The following ADAMTS3 variants were observed in gnomAD, a reference collection of about 807,000 sequenced individuals.
The protein encoded by ADAMTS3 is ADAM metallopeptidase with thrombospondin type 1 motif 3.
In ADAMTS3, 73 loss-of-function variants were observed where a neutral mutation model predicts 129.0. The ratio of observed to expected loss-of-function variants is 0.57; its 90% CI spans 0.47 to 0.69. The LOEUF (loss-of-function observed/expected upper bound fraction) is 0.69, where lower values mean the gene tolerates loss of function less well. ADAMTS3 is among the 30% of genes least tolerant of loss of function. The pLI is 0.00. For synonymous variants in ADAMTS3, 477 were observed against 510.8 expected, an observed-to-expected ratio of 0.93 and a Z score of 0.89; for missense variants, 1,457 against 1,514.5, an observed-to-expected ratio of 0.96 and a Z score of 0.63.
At chr4:72,463,340 T>C (rs961441175) in intron 3 of ADAMTS3, among the ~76,000 whole-genome samples, 3 of 152,062 alleles carry the variant, frequency 2.0e-5, no homozygotes, top group African/African-American at 7.2e-5. Context: ...ATGACTGTAA[T>C]GGGTACGTAG....
rs2109770974 is a variant in ADAMTS3, at chr4:72,535,880, C to T, written c.504+12598G>A. Among the ~76,000 whole-genome samples the T allele has an allele frequency of 2.0e-5, 3 of 152,268 alleles. 1 individual carries two copies. The South Asian group carries it at 6.2e-4, about 32-fold the overall frequency. ...TGCCATAAAACCCTTTACCTTCTAT[C>T]CCAAATACATCTCATCCTGAGATTC... On this transcript the variant is annotated intron_variant, in intron 3 of 21. Transcript: ENST00000286657.
intron 15 of ADAMTS3, among the ~76,000 whole-genome samples, chr4:72,308,373 A>G (rs1272368204): frequency 6.6e-6 from 1 of 152,028 alleles, no homozygotes; most frequent in Non-Finnish European, 1.5e-5. Context: ...GGAATAAAAA[A>G]TACAAAAACT....
Position 72,414,863 on chromosome 4 carries a change from C to G in ADAMTS3, c.613G>C (p.Ala205Pro). The part of the protein sequence containing the change: ...GRIHVVYKRS[A>P]VEQAPIDMSK... The stretch of plus-strand genomic sequence containing the variant: ...ATGTCTATGGGAGCCTGTTCTACAG[C>G]TGATCTCTTGTAGACAACATGAATC... The change falls in exon 4 of 22, where the codon GCT becomes CCT. Residue 205 changes from alanine to proline, a missense_variant. By Grantham distance (27) the Ala-to-Pro change is conservative (BLOSUM62 -1). Transcript: ENST00000286657. 6.4e-7 allele frequency: 1 copy of G among 1,565,044 alleles called. No homozygotes were observed. Among genetic ancestry groups the G allele is most frequent in the Non-Finnish European group, 8.6e-7 (1 of 1,157,946 alleles).
chr4:72,335,322 C>A (rs1719961816), intron 5 of ADAMTS3, among the ~76,000 whole-genome samples: 1 of 152,104 alleles, frequency 6.6e-6, no homozygotes, highest in Admixed American at 6.6e-5. Context: ...CAGAATTTTA[C>A]CGCATTCATA....
At chr4:72,321,767 AAAAAAC>A (rs1719561431) in intron 6 of ADAMTS3, among the ~76,000 whole-genome samples, 1 of 152,172 alleles carries the variant, frequency 6.6e-6, no homozygotes, top group Admixed American at 6.5e-5. Flanking sequence ...ACTTTACACT[AAAAAAC>A]AAAAACAAAA....
rs546109787 is a variant in ADAMTS3 at position 72,451,536 on chromosome 4, C to A, written c.505-36565G>T. Among the ~76,000 whole-genome samples, 11 of 151,834 alleles carry A rather than the reference C, an allele frequency of 7.2e-5. No individual in the cohort carries two copies. In the South Asian group the frequency reaches 2.3e-3, roughly 31 times the overall value. ...AGCGCCAACATATTTAGAAAGAAGG[C>A]CAGCTCCATTTCATGACGTAAATTG... On this transcript the variant is annotated intron_variant, in intron 3 of 21. Coordinates refer to ENST00000286657, the MANE Select transcript of ADAMTS3 (RefSeq NM_014243.3).
intron 16 of ADAMTS3, among the ~76,000 whole-genome samples, chr4:72,305,285 T>C (rs1719052927): frequency 6.6e-6 from 1 of 152,104 alleles, no homozygotes; most frequent in South Asian, 2.1e-4. Flanking sequence ...TGGATCTGCA[T>C]GTGCCAGTCA....
chr4:72,512,193 T>C (rs943046410), intron 3 of ADAMTS3, among the ~76,000 whole-genome samples: 2 of 152,010 alleles, frequency 1.3e-5, no homozygotes, highest in African/African-American at 2.4e-5. Flanking sequence ...AAATAAGACC[T>C]GGTTGGGTGC....
chr4:72,317,059 C>T (rs1023099704), intron 10 of ADAMTS3, among the ~76,000 whole-genome samples: 2 of 152,086 alleles, frequency 1.3e-5, no homozygotes, highest in African/African-American at 4.8e-5. Context: ...CTTGTTTGCT[C>T]TTTTTCTCTC....
rs867195198 is a variant in ADAMTS3, at chr4:72,318,457, A to C, written c.1485+115T>G. On this transcript the variant is annotated intron_variant, in intron 10 of 21. Coordinates refer to ENST00000286657, the MANE Select transcript of ADAMTS3 (RefSeq NM_014243.3). ...AGCACACAGCAACACAATGAACACAAAATAACTGCTAGATATTATTATACT... is the reference window on the plus strand; with the variant it reads ...AGCACACAGCAACACAATGAACACACAATAACTGCTAGATATTATTATACT... 6 of 1,137,356 alleles carry C rather than the reference A, an allele frequency of 5.3e-6. No homozygotes were observed. In the African/African-American group the frequency reaches 6.3e-5, roughly 12 times the overall value. 70.5% of individuals were successfully genotyped at this position (1,137,356 alleles called of 1,614,324 possible).
At chr4:72,305,359 T>C (rs1719054730) in intron 16 of ADAMTS3, among the ~76,000 whole-genome samples, 2 of 152,096 alleles carry the variant, frequency 1.3e-5, no homozygotes, top group South Asian at 4.1e-4. Context: ...TCACCTGTGG[T>C]TGCTTTTCAA....
intron 3 of ADAMTS3, among the ~76,000 whole-genome samples, chr4:72,529,158 C>T (rs1412013435): frequency 6.6e-6 from 1 of 152,010 alleles, no homozygotes; most frequent in African/African-American, 2.4e-5. Flanking sequence ...ATCCAAAAGG[C>T]CAGAGGCAGG....
chr4:72,314,130 T>C (rs1719322331), intron 11 of ADAMTS3, among the ~76,000 whole-genome samples: 1 of 152,148 alleles, frequency 6.6e-6, no homozygotes, highest in Non-Finnish European at 1.5e-5. Context: ...GCACCCAGCT[T>C]GCACAGTTGG....
intron 3 of ADAMTS3, chr4:72,442,215 T>C (rs950250134): frequency 6.6e-6 from 1 of 151,682 alleles, no homozygotes; most frequent in African/African-American, 2.4e-5. Context: ...GATGACAGAG[T>C]TCTGAAAGAC....
intron 3 of ADAMTS3, among the ~76,000 whole-genome samples, chr4:72,479,078 T>C (rs1368958394): frequency 1.3e-5 from 2 of 152,184 alleles, no homozygotes; most frequent in Non-Finnish European, 2.9e-5. Flanking sequence ...TCCATGCTCA[T>C]GGCTAGGAAG....
intron 3 of ADAMTS3, among the ~76,000 whole-genome samples, chr4:72,449,889 T>C (rs1015889900): frequency 2.0e-5 from 3 of 151,736 alleles, no homozygotes; most frequent in Non-Finnish European, 4.4e-5. Flanking sequence ...CTAAATAGCA[T>C]GTCTTCCTCA....
rs911659533 is a variant in ADAMTS3, at chr4:72,451,944, G to A, written c.505-36973C>T. Among the ~76,000 whole-genome samples, 3 of 151,620 alleles carry A rather than the reference G, an allele frequency of 2.0e-5. No individual in the cohort carries two copies. In the South Asian group the frequency reaches 6.2e-4, roughly 31 times the overall value. ...AGACCCCCTTCTCTATAAAAAATTA[G>A]CCAAACATGGTGGTGGACACCTGTA... On this transcript the variant is annotated intron_variant, in intron 3 of 21. Coordinates refer to ENST00000286657, the MANE Select transcript of ADAMTS3 (RefSeq NM_014243.3).
intron 4 of ADAMTS3, among the ~76,000 whole-genome samples, chr4:72,404,825 A>AACACACACACACACAC (rs146366382): frequency 6.7e-6 from 1 of 148,812 alleles, no homozygotes; most frequent in African/African-American, 2.5e-5. Context: ...AAGCAAACAA[A>AACACACACACACACAC]ACACACACAC....
At chr4:72,530,475 A>AATATATAATATATAAAAAT (rs1720986296) in intron 3 of ADAMTS3, among the ~76,000 whole-genome samples, 1 of 81,632 alleles carries the variant, frequency 1.2e-5, no homozygotes, top group East Asian at 3.8e-4. Flanking sequence ...ATATTAATTT[A>AATATATAATATATAAAAAT]ATATATAAAT....
Sources: gnomAD v4.1 joint callset for allele counts (sites outside exome capture counted in the v4.1 genomes callset) on GRCh38, gnomAD v4.1.1 for gene constraint, MANE v1.5 for transcripts, NCBI Gene and HGNC (gene_info 2026-07-23, HGNC 2026-07-21) for gene names.